The following GPX3 variants were observed in gnomAD, a reference collection of about 807,000 sequenced individuals.
GPX3 encodes glutathione peroxidase 3, also known as GPx-3.
Under a neutral mutation model 25.1 loss-of-function variants are expected in GPX3, and 22 were observed. That is an observed-to-expected ratio of 0.88 (90% CI 0.63 to 1.25). The LOEUF is 1.25. Among genes scored for constraint, GPX3 ranks in the 50% most tolerant of loss-of-function variants. The pLI is 0.00. For missense variants in GPX3, 278 were observed against 286.6 expected (o/e 0.97, Z 0.22); for synonymous variants, 110 against 114.5 (o/e 0.96, Z 0.25).
At chr5:151,022,191 A>C (rs938672105) in intron 1 of GPX3, among the ~76,000 whole-genome samples, 10 of 152,204 alleles carry the variant, frequency 6.6e-5, no homozygotes, top group African/African-American at 2.2e-4. Context: ...TGGGCCATAG[A>C]CAGGCCAGCA....
In GPX3 at chr5:151,025,069, CTTAATA is replaced by C. The variant is rs772511787; in HGVS notation, c.88-264_88-259del. ...TTCCATAGCACTCACTTATTAAGTG[CTTAATA>C]TTAATAAGTGCTTATTAGGTGCTTA... On this transcript the variant is annotated intron_variant, in intron 1 of 4. Coordinates refer to ENST00000388825, the MANE Select transcript of GPX3 (RefSeq NM_002084.5). Among the ~76,000 whole-genome samples, 13 of 152,268 alleles carry C rather than the reference CTTAATA, an allele frequency of 8.5e-5. 2 individuals carry two copies. Among genetic ancestry groups the C allele is most frequent in the African/African-American group, 2.9e-4 (12 of 41,546 alleles).
chr5:151,020,999 C>G lies in GPX3; in HGVS notation c.87+258C>G, dbSNP rs1247367668. ...CAGAATGACTAAGGGAGGAAGGTCTCTCTCCCCGAGCTCGCACTTTCTCCC... is the reference window on the plus strand; with the variant it reads ...CAGAATGACTAAGGGAGGAAGGTCTGTCTCCCCGAGCTCGCACTTTCTCCC... On this transcript the variant is annotated intron_variant, in intron 1 of 4. Transcript: ENST00000388825. The G allele has an allele frequency of 5.9e-6, 3 of 505,362 alleles. No individual in the cohort carries two copies. In the African/African-American group the frequency reaches 5.9e-5, roughly 10 times the overall value. 31.3% of individuals were successfully genotyped at this position (505,362 alleles called of 1,614,324 possible). A position where few individuals can be genotyped will look rare whatever the true frequency, so the allele number is the denominator to read the frequency against.
rs367725712 is a variant in GPX3, at chr5:151,025,351, T to C, written c.99T>C (p.His33=). The C allele has an allele frequency of 1.3e-6, 2 of 1,596,072 alleles. No individual in the cohort carries two copies. Among genetic ancestry groups the C allele is most frequent in the African/African-American group, 1.3e-5 (1 of 74,202 alleles). The part of the protein sequence containing the change: ...RGQEKSKMDC[H]GGISGTIYEY... ...GGCCTGTGTTCCAGATGGACTGCCATGGTGGCATAAGTGGCACCATTTACG... is the reference window on the plus strand; with the variant it reads ...GGCCTGTGTTCCAGATGGACTGCCACGGTGGCATAAGTGGCACCATTTACG... Residue 33 remains histidine (H), a synonymous_variant, in exon 2 of 5, where the codon CAT becomes CAC. Coordinates refer to ENST00000388825, the MANE Select transcript of GPX3 (RefSeq NM_002084.5).
chr5:151,027,833 T>TC (rs1459052709), intron 4 of GPX3, 76 bp from the exon 5 acceptor site: 21 of 1,223,380 alleles, frequency 1.7e-5, no homozygotes, highest in Non-Finnish European at 2.5e-5. Flanking sequence ...GCCAGGCTAT[T>TC]CCCCAGGAAG....
At chr5:151,020,831 C>T (rs1013075552) in intron 1 of GPX3, 90 bp downstream of exon 1, 4 of 1,235,646 alleles carry the variant, frequency 3.2e-6, no homozygotes, top group African/African-American at 3.0e-5. Context: ...TTCCCAGGCT[C>T]CCCGCCAGAT....
intron 2 of GPX3, among the ~76,000 whole-genome samples, chr5:151,025,924 GGTGTAGCGGGAT>G (rs1295596321): frequency 1.3e-5 from 2 of 152,090 alleles, no homozygotes; most frequent in Non-Finnish European, 2.9e-5. Flanking sequence ...GTGTATGCGT[GGTGTAGCGGGAT>G]GAAGGAGCAG....
intron 1 of GPX3, among the ~76,000 whole-genome samples, chr5:151,022,335 T>C (rs1294118055): frequency 6.6e-6 from 1 of 152,172 alleles, no homozygotes; most frequent in Non-Finnish European, 1.5e-5. Context: ...TCTGCAGCAC[T>C]CTGGGGAAGG....
chr5:151,024,541 C>A (rs1353593020), intron 1 of GPX3, among the ~76,000 whole-genome samples: 2 of 152,192 alleles, frequency 1.3e-5, no homozygotes, highest in Admixed American at 1.3e-4. Context: ...GGCAAAGGGA[C>A]ATGGAGCCCA....
chr5:151,027,473 T>A lies in GPX3; in HGVS notation c.401T>A (p.Leu134His). 6.2e-7 allele frequency: 1 copy of A among 1,613,930 alleles called. No homozygotes were observed. Among genetic ancestry groups the A allele is most frequent in the East Asian group, 2.2e-5 (1 of 44,872 alleles). ...PGGGFVPNFQ[L>H]FEKGDVNGEK... ...GGAGGCTTTGTCCCTAATTTCCAGC[T>A]CTTTGAGAAAGGGGATGTCAATGGA... The change falls in exon 4 of 5, where the codon CTC (leucine) becomes CAC (histidine). Residue 134 changes from leucine to histidine, a missense_variant. By Grantham distance (99) the Leu-to-His change is moderately conservative. Transcript: ENST00000388825.
rs554015574 is a variant in GPX3 at position 151,022,236 on chromosome 5, G to A, written c.87+1495G>A. Reference sequence around the variant, plus strand: ...CAGTCCCAACCTTCAGTTTTGGAAAGGTCAAAGAAGATACAATTGGGCCCT... The same window carrying A: ...CAGTCCCAACCTTCAGTTTTGGAAAAGTCAAAGAAGATACAATTGGGCCCT... On this transcript the variant is annotated intron_variant, in intron 1 of 4. Coordinates refer to ENST00000388825, the MANE Select transcript of GPX3 (RefSeq NM_002084.5). Among the ~76,000 whole-genome samples, 8 of 152,312 alleles carry A rather than the reference G, an allele frequency of 5.3e-5. No individual in the cohort carries two copies. The East Asian group carries it at 1.4e-3, about 26-fold the overall frequency.
At position 151,027,911 on chromosome 5, in the gene GPX3, C is replaced by T. The variant is rs1222370329; in HGVS notation, c.462C>T (p.Asn154=). ...KEQKFYTFLK[N]SCPPTSELLG... ...CACTCCTCTTATCCCTGCTCTAGAA[C>T]TCCTGTCCTCCCACCTCGGAGCTCC... Residue 154 remains asparagine (N), a splice_region_variant and synonymous_variant, in exon 5 of 5, where the codon AAC becomes AAT. Transcript: ENST00000388825. 1.2e-6 allele frequency: 2 copies of T among 1,613,830 alleles called. No homozygotes were observed. Among genetic ancestry groups the T allele is most frequent in the East Asian group, 4.5e-5 (2 of 44,890 alleles).
chr5:151,021,001 C>A, intron 1 of GPX3: 1 of 493,772 alleles, frequency 2.0e-6, no homozygotes, highest in South Asian at 2.3e-5. Flanking sequence ...GAAGGTCTCT[C>A]TCCCCGAGCT....
rs1432140623 is a variant in GPX3 at position 151,020,643 on chromosome 5, C to T, written c.-12C>T. ...GCGGCTCAGGCGACCCTGAGTGTGC[C>T]CCCACCCCGCCATGGCCCGGCTGCT... On this transcript the variant is annotated 5_prime_UTR_variant, in exon 1 of 5. Coordinates refer to ENST00000388825, the MANE Select transcript of GPX3 (RefSeq NM_002084.5). 2.5e-6 allele frequency: 4 copies of T among 1,603,032 alleles called. No individual in the cohort carries two copies. Among genetic ancestry groups the T allele is most frequent in the Non-Finnish European group, 3.4e-6 (4 of 1,176,248 alleles).
chr5:151,021,803 A>C (rs1396342010), intron 1 of GPX3: 2 of 152,422 alleles, frequency 1.3e-5, no homozygotes, highest in African/African-American at 4.8e-5. Flanking sequence ...GTAGGGATAG[A>C]CTCAAAGCGA....
At chr5:151,021,376 C>T (rs1756473909) in intron 1 of GPX3, 2 of 152,602 alleles carry the variant, frequency 1.3e-5, no homozygotes, top group Non-Finnish European at 2.9e-5. Flanking sequence ...TGCTCCTGGA[C>T]CCCCGTTTCT....
chr5:151,026,817 G>A (rs1756555295), intron 2 of GPX3, 83 bp from the exon 3 acceptor site: 4 of 965,724 alleles, frequency 4.1e-6, no homozygotes, highest in Non-Finnish European at 6.4e-6. Flanking sequence ...CAGCGGCACA[G>A]CGGGTGAGCC....
Position 151,025,444 on chromosome 5 carries a change from C to T in GPX3, c.192C>T (p.Val64=). 1.9e-6 allele frequency: 3 copies of T among 1,612,790 alleles called. No individual in the cohort carries two copies. Among genetic ancestry groups the T allele is most frequent in the Non-Finnish European group, 2.5e-6 (3 of 1,179,390 alleles). The change falls in exon 2 of 5, where the codon GTC becomes GTT. Residue 64 remains valine (V), a synonymous_variant. Coordinates refer to ENST00000388825, the MANE Select transcript of GPX3 (RefSeq NM_002084.5). ...IPFKQYAGKY[V]LFVNVASYUG... ...TCAAGCAGTATGCTGGCAAATACGT[C>T]CTCTTTGTCAACGTGGCCAGCTACT...
chr5:151,022,088 C>T (rs1221721467), intron 1 of GPX3, among the ~76,000 whole-genome samples: 6 of 152,202 alleles, frequency 3.9e-5, no homozygotes, highest in South Asian at 4.1e-4. Flanking sequence ...GTCCAAGTCC[C>T]CTCCTTTTTA....
chr5:151,027,647 C>T (rs1419134962), intron 4 of GPX3, 116 bp downstream of exon 4: 1 of 731,560 alleles, frequency 1.4e-6, no homozygotes, highest in African/African-American at 1.8e-5. Context: ...TTTCTTGGCA[C>T]CTGACTATTG....
Sources: allele counts gnomAD v4.1 joint callset (sites outside exome capture counted in the v4.1 genomes callset), GRCh38; gene constraint gnomAD v4.1.1; transcripts MANE v1.5; gene names NCBI Gene and HGNC (gene_info 2026-07-23, HGNC 2026-07-21).